The following CCDC81 variants were observed in gnomAD, a reference collection of about 807,000 sequenced individuals.
CCDC81 encodes the protein coiled-coil domain-containing protein 81.
Under a neutral mutation model 83.7 loss-of-function variants are expected in CCDC81, and 79 were observed. The ratio of observed to expected loss-of-function variants is 0.94; its 90% CI spans 0.79 to 1.14. The LOEUF (loss-of-function observed/expected upper bound fraction) is 1.14, where lower values mean the gene tolerates loss of function less well. Ranked by LOEUF, CCDC81 falls within the 50% of genes most tolerant of loss-of-function variation. The pLI, the probability that CCDC81 is intolerant of heterozygous loss-of-function variation, is 0.00. For synonymous variants in CCDC81, 252 were observed against 278.1 expected (o/e 0.91, Z 0.93); for missense variants, 791 against 778.1 (o/e 1.02, Z -0.20).
At chr11:86,407,899 C>T (rs920311681) in intron 8 of CCDC81, among the ~76,000 whole-genome samples, 198 bp downstream of exon 8, 2 of 152,100 alleles carry the variant, frequency 1.3e-5, no homozygotes, top group African/African-American at 4.8e-5. Context: ...GTTGAGAAAT[C>T]CCTTTCTAAG....
intron 6 of CCDC81, among the ~76,000 whole-genome samples, chr11:86,399,611 T>C (rs1007145838): frequency 1.3e-5 from 2 of 152,046 alleles, no homozygotes; most frequent in African/African-American, 4.8e-5. Flanking sequence ...CCACTATGCT[T>C]GGCCTATTCA....
intron 1 of CCDC81, among the ~76,000 whole-genome samples, chr11:86,382,385 A>G (rs1228429012): frequency 6.6e-6 from 1 of 152,122 alleles, no homozygotes; most frequent in Non-Finnish European, 1.5e-5. Context: ...ATGGTGATGG[A>G]CTGGATGTTA....
At position 86,420,060 on chromosome 11, in the gene CCDC81, C is replaced by T; in HGVS notation, c.1817+7C>T. The T allele has an allele frequency of 6.2e-7, 1 of 1,608,314 alleles. No homozygotes were observed. Among genetic ancestry groups the T allele is most frequent in the Admixed American group, 1.7e-5 (1 of 58,060 alleles). On this transcript the variant is annotated splice_region_variant and intron_variant, in intron 14 of 14. Transcript: ENST00000445632. ...AGGACAAGGCTTTTGAACGGTAATG[C>T]CTGATTGGAACCCCAAAATTCTCCT...
intron 1 of CCDC81, among the ~76,000 whole-genome samples, chr11:86,377,062 C>T (rs1323295018): frequency 6.6e-6 from 1 of 152,122 alleles, no homozygotes; most frequent in Non-Finnish European, 1.5e-5. Context: ...TTCAGATTGG[C>T]TTCTTTCACT....
intron 1 of CCDC81, among the ~76,000 whole-genome samples, chr11:86,376,358 C>G (rs1411499262): frequency 6.6e-6 from 1 of 152,138 alleles, no homozygotes; most frequent in Non-Finnish European, 1.5e-5. Flanking sequence ...GATACTATCC[C>G]AGACTGGGTC....
chr11:86,418,203 G>GA (rs1005909535), intron 13 of CCDC81, among the ~76,000 whole-genome samples: 1 of 151,934 alleles, frequency 6.6e-6, no homozygotes, highest in Admixed American at 6.6e-5. Context: ...TAGCTACTAT[G>GA]AAAAAAAATA....
At position 86,375,120 on chromosome 11, in the gene CCDC81, G is replaced by A. The variant is rs891801353; in HGVS notation, c.-44G>A. 2.0e-6 allele frequency: 3 copies of A among 1,501,720 alleles called. No homozygotes were observed. The highest frequency in any genetic ancestry group is 2.8e-5 in the African/African-American group (2 of 72,608). 93.0% of individuals were successfully genotyped at this position (1,501,720 alleles called of 1,614,324 possible). ...TGTGCACATTCCATATAAGAAAGAA[G>A]AGACCCATCGAACATTCAGTACGGA... On this transcript the variant is annotated 5_prime_UTR_variant, in exon 1 of 15. Transcript: ENST00000445632.
intron 4 of CCDC81, among the ~76,000 whole-genome samples, chr11:86,394,678 C>T (rs770346334): frequency 9.2e-5 from 14 of 152,094 alleles, no homozygotes; most frequent in Non-Finnish European, 1.8e-4. Context: ...GAATTCACTT[C>T]AAAGGCTTTT....
intron 2 of CCDC81, among the ~76,000 whole-genome samples, chr11:86,386,516 A>T (rs1025681051): frequency 1.3e-5 from 2 of 152,122 alleles, no homozygotes; most frequent in Non-Finnish European, 2.9e-5. Flanking sequence ...GAAATAGAAG[A>T]CTTGCCAAAA....
chr11:86,389,707 C>T (rs1397962888), intron 3 of CCDC81, among the ~76,000 whole-genome samples: 2 of 152,190 alleles, frequency 1.3e-5, no homozygotes, highest in African/African-American at 2.4e-5. Flanking sequence ...GAGATTTGGG[C>T]AGGGACACAA....
At chr11:86,399,494 T>C (rs990635277) in intron 6 of CCDC81, among the ~76,000 whole-genome samples, 1 of 152,048 alleles carries the variant, frequency 6.6e-6, no homozygotes, top group Admixed American at 6.6e-5. Context: ...TTTTGTACTT[T>C]TTGTAGAAAC....
At position 86,415,254 on chromosome 11, in the gene CCDC81, C is replaced by T; in HGVS notation, c.1632C>T (p.Ile544=). The T allele has an allele frequency of 6.2e-7, 1 of 1,614,162 alleles. No homozygotes were observed. Among genetic ancestry groups the T allele is most frequent in the Non-Finnish European group, 8.5e-7 (1 of 1,180,022 alleles). The change falls in exon 13 of 15, where the codon ATC becomes ATT. Residue 544 remains isoleucine (I), a synonymous_variant. Coordinates refer to ENST00000445632, the MANE Select transcript of CCDC81 (RefSeq NM_001156474.2). The stretch of plus-strand genomic sequence containing the variant: ...CTGCTAACCACAAGAGGAAAGCCAT[C>T]CTGCATCAACTAGTGGACCAGAGGC... ...EAAANHKRKA[I]LHQLVDQRRD... is the part of the protein sequence containing the mutation.
At chr11:86,377,968 C>CTTTTTTTTTTTTTTTTTTTTTTTTTTT (rs61157417) in intron 1 of CCDC81, among the ~76,000 whole-genome samples, 2 of 73,350 alleles carry the variant, frequency 2.7e-5, no homozygotes, top group Admixed American at 2.3e-4. Context: ...TGCCTAGGTT[C>CTTTTTTTTTTTTTTTTTTTTTTTTTTT]TTTTTTTTTT....
At chr11:86,392,872 A>G in intron 4 of CCDC81, 75 bp downstream of exon 4, 2 of 1,440,452 alleles carry the variant, frequency 1.4e-6, no homozygotes, top group Non-Finnish European at 1.8e-6. Context: ...TGTTGTAATT[A>G]AGAAAAACGA....
At chr11:86,391,322 G>A (rs977796868) in intron 3 of CCDC81, among the ~76,000 whole-genome samples, 5 of 152,226 alleles carry the variant, frequency 3.3e-5, no homozygotes, top group Admixed American at 6.5e-5. Context: ...TCATTTAGCA[G>A]TGGTGGACAT....
intron 1 of CCDC81, among the ~76,000 whole-genome samples, chr11:86,378,372 G>A (rs1948127709): frequency 6.6e-6 from 1 of 152,142 alleles, no homozygotes; most frequent in African/African-American, 2.4e-5. Context: ...TTGTTAAGGT[G>A]TGTTTTATGG....
intron 13 of CCDC81, chr11:86,419,361 AG>A (rs1175292958): frequency 7.9e-5 from 12 of 152,280 alleles, no homozygotes; most frequent in African/African-American, 2.9e-4. Flanking sequence ...ATTATACTGC[AG>A]TCACTTCTTC....
chr11:86,417,530 T>C (rs974857857), intron 13 of CCDC81, among the ~76,000 whole-genome samples: 1 of 152,056 alleles, frequency 6.6e-6, no homozygotes, highest in African/African-American at 2.4e-5. Context: ...TCAGTACATA[T>C]ATATGAGATT....
chr11:86,395,555 C>T, intron 5 of CCDC81, 142 bp downstream of exon 5: 1 of 639,826 alleles, frequency 1.6e-6, no homozygotes, highest in East Asian at 2.8e-5. Flanking sequence ...CTAAATCCAC[C>T]AACAAAGAAG....
Sources: allele counts gnomAD v4.1 joint callset (sites outside exome capture counted in the v4.1 genomes callset), GRCh38; gene constraint gnomAD v4.1.1; transcripts MANE v1.5; gene names NCBI Gene and HGNC (gene_info 2026-07-23, HGNC 2026-07-21).